The following FRAS1 variants were observed in gnomAD, a reference collection of about 807,000 sequenced individuals.
FRAS1 encodes extracellular matrix organizing protein FRAS1.
A neutral mutation model predicts 435.2 loss-of-function variants in FRAS1; 290 were observed. The observed-to-expected ratio is 0.67, with a 90% CI of 0.61 to 0.73. The LOEUF (loss-of-function observed/expected upper bound fraction) is 0.73, where lower values mean the gene tolerates loss of function less well. FRAS1 is among the 30% of genes least tolerant of loss of function. The probability of loss-of-function intolerance (pLI) is 0.00; values close to 1 mark genes in which losing one functional copy is unlikely to be tolerated. For missense variants in FRAS1, 4,860 were observed against 5,001.5 expected, an observed-to-expected ratio of 0.97 and a Z score of 0.85; for synonymous variants, 1,800 against 1,851.0, an observed-to-expected ratio of 0.97 and a Z score of 0.71.
chr4:78,218,327 T>G (rs184160239), intron 2 of FRAS1, among the ~76,000 whole-genome samples: 39 of 151,698 alleles, frequency 2.6e-4, no homozygotes, highest in African/African-American at 9.2e-4. Flanking sequence ...TTTTTGTGCA[T>G]AGAGGGTAGA....
intron 2 of FRAS1, among the ~76,000 whole-genome samples, chr4:78,196,887 G>A (rs1444614453): frequency 6.6e-6 from 1 of 152,190 alleles, no homozygotes; most frequent in African/African-American, 2.4e-5. Flanking sequence ...GATTCCATAA[G>A]TGCCGTTGTT....
chr4:78,342,772 CTA>C (rs1416233999), intron 20 of FRAS1, among the ~76,000 whole-genome samples: 1 of 152,022 alleles, frequency 6.6e-6, no homozygotes, highest in African/African-American at 2.4e-5. Flanking sequence ...GATGGGATGG[CTA>C]TGTTTTTGAG....
chr4:78,323,874 G>A (rs11724700), intron 18 of FRAS1, among the ~76,000 whole-genome samples: 43,094 of 151,920 alleles, frequency 0.28, 6,544 homozygotes, highest in Non-Finnish European at 0.33. Flanking sequence ...TTATTTTGAA[G>A]ACTTAGCTTT....
chr4:78,220,005 A>G (rs550815652), intron 2 of FRAS1, among the ~76,000 whole-genome samples: 7 of 152,282 alleles, frequency 4.6e-5, no homozygotes, highest in Admixed American at 2.0e-4. Flanking sequence ...CAGGAACAGG[A>G]GCTGGAATTT....
chr4:78,255,332 C>T lies in FRAS1; in HGVS notation c.560C>T (p.Ala187Val), dbSNP rs770637038. The T allele has an allele frequency of 6.3e-7, 1 of 1,583,096 alleles. No individual in the cohort carries two copies. The highest frequency in any genetic ancestry group is 2.3e-5 in the East Asian group (1 of 43,624). Residue 187 changes from alanine to valine, a missense_variant, in exon 6 of 74, where the codon GCC becomes GTC. Transcript: ENST00000512123. ...CAKCLCRNGV[A>V]QCFTAQCQPL... ...AAATGTCTGTGTAGAAATGGGGTTG[C>T]CCAGTGCTTCACAGCTCAGTGTCAG...
At chr4:78,258,335 G>T (rs1725889868) in intron 6 of FRAS1, among the ~76,000 whole-genome samples, 1 of 68,088 alleles carries the variant, frequency 1.5e-5, no homozygotes, top group South Asian at 6.7e-4. Context: ...AGCAAGACCT[G>T]TATCAAAAAA....
At chr4:78,411,448 T>C (rs1258771853) in intron 31 of FRAS1, among the ~76,000 whole-genome samples, 2 of 152,222 alleles carry the variant, frequency 1.3e-5, no homozygotes, top group Non-Finnish European at 2.9e-5. Flanking sequence ...AATGTTGATG[T>C]GCTGTCATGA....
At chr4:78,191,589 G>A (rs771911065) in intron 2 of FRAS1, among the ~76,000 whole-genome samples, 20 of 147,786 alleles carry the variant, frequency 1.4e-4, no homozygotes, top group Admixed American at 6.1e-4. Context: ...TGTGCACAAC[G>A]TGCAGGTTTG....
At chr4:78,082,690 G>C (rs1405625824) in intron 2 of FRAS1, among the ~76,000 whole-genome samples, 3 of 152,040 alleles carry the variant, frequency 2.0e-5, no homozygotes, top group Non-Finnish European at 4.4e-5. Context: ...ATAATAAGTA[G>C]ATAGGAAAGG....
At chr4:78,302,504 C>T (rs7672179) in intron 14 of FRAS1, among the ~76,000 whole-genome samples, 43,220 of 151,882 alleles carry the variant, frequency 0.28, 6,694 homozygotes, top group Admixed American at 0.36. Context: ...TCTCCACATC[C>T]TCTCCAGCAC....
At chr4:78,407,936 C>T in intron 31 of FRAS1, 95 bp downstream of exon 31, 1 of 1,065,644 alleles carries the variant, frequency 9.4e-7, no homozygotes, top group Non-Finnish European at 1.3e-6. Flanking sequence ...CTGCAGTTGA[C>T]AGGAAATCAC....
intron 4 of FRAS1, among the ~76,000 whole-genome samples, chr4:78,245,592 C>T (rs777147260): frequency 5.9e-5 from 9 of 152,092 alleles, no homozygotes; most frequent in Non-Finnish European, 1.2e-4. Flanking sequence ...AAAGTACCTC[C>T]CTCCTTTTAT....
At chr4:78,521,285 T>A (rs1436655299) in intron 67 of FRAS1, among the ~76,000 whole-genome samples, 1 of 152,120 alleles carries the variant, frequency 6.6e-6, no homozygotes. Flanking sequence ...AACTTACAGG[T>A]TTGAAAAGTC....
In FRAS1 at chr4:78,466,442, G is replaced by A. The variant is rs776493297; in HGVS notation, c.7257+7G>A. 18 of 1,603,638 alleles carry A rather than the reference G, an allele frequency of 1.1e-5. No homozygotes were observed. The highest frequency in any genetic ancestry group is 1.5e-5 in the Non-Finnish European group (18 of 1,172,360). ...TGAGGAAGGGGGAAAAGAGGTGAGG[G>A]GTGAGGACACTGGAGGAGGTAGCCT... On this transcript the variant is annotated splice_region_variant and intron_variant, in intron 50 of 73. Transcript: ENST00000512123.
At chr4:78,488,102 C>T (rs1826845) in intron 58 of FRAS1, among the ~76,000 whole-genome samples, 34,700 of 152,044 alleles carry the variant, frequency 0.23, 4,594 homozygotes, top group African/African-American at 0.36. Flanking sequence ...CACTGCACTC[C>T]AGCCTGAGTG....
At chr4:78,080,029 G>A (rs1224297208) in intron 2 of FRAS1, among the ~76,000 whole-genome samples, 4 of 152,024 alleles carry the variant, frequency 2.6e-5, no homozygotes, top group African/African-American at 4.8e-5. Context: ...AAGCATCATC[G>A]GAACCAGGTT....
chr4:78,407,793 G>A lies in FRAS1; in HGVS notation c.4260G>A (p.Trp1420Ter), dbSNP rs912382040. ...TQQDINEGIV[W>*]YRHSGAPAQS... The stretch of plus-strand genomic sequence containing the variant: ...AGGACATCAATGAAGGCATCGTATG[G>A]TACAGGCACTCAGGAGCCCCAGCCC... The change falls in exon 31 of 74, where the codon TGG becomes TGA. Residue 1420 changes from tryptophan (W) to a stop codon, truncating the protein, a stop_gained. Coordinates refer to ENST00000512123, the MANE Select transcript of FRAS1 (RefSeq NM_025074.7). LOFTEE classifies it high-confidence loss of function. The A allele has an allele frequency of 1.2e-6, 2 of 1,613,152 alleles. No individual in the cohort carries two copies. Among genetic ancestry groups the A allele is most frequent in the Non-Finnish European group, 1.7e-6 (2 of 1,179,492 alleles).
At chr4:78,304,796 T>A (rs1454917532) in intron 14 of FRAS1, among the ~76,000 whole-genome samples, 2 of 151,280 alleles carry the variant, frequency 1.3e-5, no homozygotes, top group African/African-American at 4.8e-5. Flanking sequence ...ATTTTGTTGA[T>A]CCTTTCAAAA....
chr4:78,371,350 A>G (rs931098746), intron 23 of FRAS1, among the ~76,000 whole-genome samples: 1 of 152,192 alleles, frequency 6.6e-6, no homozygotes, highest in African/African-American at 2.4e-5. Context: ...AAGGAAGAGA[A>G]AAGGTAACTA....
Sources: gnomAD v4.1 joint callset for allele counts (sites outside exome capture counted in the v4.1 genomes callset) on GRCh38, gnomAD v4.1.1 for gene constraint, MANE v1.5 for transcripts, NCBI Gene and HGNC (gene_info 2026-07-23, HGNC 2026-07-21) for gene names.